The following ADGRL3 variants were observed in gnomAD, a reference collection of about 807,000 sequenced individuals.
ADGRL3 encodes the protein adhesion G protein-coupled receptor L3.
A neutral mutation model predicts 153.5 loss-of-function variants in ADGRL3; 62 were observed. That is an observed-to-expected ratio of 0.40 (90% CI 0.33 to 0.50). The LOEUF is 0.50. ADGRL3 is among the 20% of genes least tolerant of loss of function. The pLI is 0.47. For synonymous variants in ADGRL3, 710 were observed against 672.5 expected, an observed-to-expected ratio of 1.06 and a Z score of -0.86; for missense variants, 1,641 against 1,859.4, an observed-to-expected ratio of 0.88 and a Z score of 2.16.
Position 61,202,841 on chromosome 4 carries a change from G to A in ADGRL3, c.-240+1076G>A, listed in dbSNP as rs1330565656. On this transcript the variant is annotated intron_variant, in intron 1 of 26. Coordinates refer to ENST00000683033, the MANE Select transcript of ADGRL3 (RefSeq NM_001387552.1). This position sits in a 1 kb window ranked among gnomAD's most constrained non-coding sequence, Gnocchi z 5.0. ...GGCGGCGGAGTCAGCGTTTGAGTGT[G>A]TGCGCATTTTTGCGCCCCAGGGACG... Among the ~76,000 whole-genome samples the A allele has an allele frequency of 6.6e-6, 1 of 152,200 alleles. No homozygotes were observed. Among genetic ancestry groups the A allele is most frequent in the Non-Finnish European group, 1.5e-5 (1 of 68,040 alleles).
intron 17 of ADGRL3, among the ~76,000 whole-genome samples, chr4:61,950,971 C>G (rs1429996038): frequency 6.6e-6 from 1 of 152,168 alleles, no homozygotes; most frequent in East Asian, 1.9e-4. Flanking sequence ...ATTCATTTGA[C>G]CAGCTTTCAC....
intron 1 of ADGRL3, among the ~76,000 whole-genome samples, chr4:61,224,634 T>A (rs1350032369): frequency 6.6e-6 from 1 of 152,170 alleles, no homozygotes; most frequent in East Asian, 1.9e-4. Context: ...CACTTAGAGG[T>A]GCAGACATGA....
Position 61,909,644 on chromosome 4 carries a change from T to C in ADGRL3, c.1972T>C (p.Tyr658His), listed in dbSNP as rs771755453. Residue 658 changes from tyrosine to histidine, a missense_variant, in exon 12 of 27, where the codon TAC (tyrosine) becomes CAC (histidine). This residue lies in a region of ADGRL3 where 734 missense variants were observed against 797.0 expected (regional missense o/e 0.92). Coordinates refer to ENST00000683033, the MANE Select transcript of ADGRL3 (RefSeq NM_001387552.1). ...TCACTTGAATGCTGGGGACATCACC[T>C]ACTCTGTCCGGGCCATGGACCAGCT... is the stretch of plus-strand genomic sequence containing the variant. ...RNHLNAGDIT[Y>H]SVRAMDQLVG... 1.2e-6 allele frequency: 2 copies of C among 1,612,740 alleles called. No homozygotes were observed. Among genetic ancestry groups the C allele is most frequent in the East Asian group, 4.5e-5 (2 of 44,770 alleles).
intron 9 of ADGRL3, among the ~76,000 whole-genome samples, chr4:61,850,262 T>C (rs2098186229): frequency 6.6e-6 from 1 of 152,274 alleles, no homozygotes; most frequent in Non-Finnish European, 1.5e-5. Flanking sequence ...CTCCAATTTA[T>C]AGGTATAGAC....
chr4:61,757,530 C>G (rs1395029126), intron 8 of ADGRL3, among the ~76,000 whole-genome samples: 4 of 151,992 alleles, frequency 2.6e-5, no homozygotes, highest in Non-Finnish European at 4.4e-5. Context: ...ATTAGTCTTG[C>G]TAGCAGTCTA....
intron 1 of ADGRL3, among the ~76,000 whole-genome samples, chr4:61,368,363 T>G (rs985066291): frequency 1.3e-5 from 2 of 152,114 alleles, no homozygotes; most frequent in Non-Finnish European, 2.9e-5. Context: ...GGTTTTAGGT[T>G]TAACGTTTAA....
intron 5 of ADGRL3, among the ~76,000 whole-genome samples, chr4:61,606,477 A>T (rs1360812113): frequency 6.6e-6 from 1 of 152,124 alleles, no homozygotes; most frequent in East Asian, 1.9e-4. Flanking sequence ...TGGCTTGTAG[A>T]CAGACAGGTC....
chr4:61,974,651 T>C (rs1364111406), intron 17 of ADGRL3, among the ~76,000 whole-genome samples: 1 of 152,218 alleles, frequency 6.6e-6, no homozygotes, highest in Non-Finnish European at 1.5e-5. Flanking sequence ...AGAGATTAAG[T>C]ACTTTGTTAA....
intron 2 of ADGRL3, among the ~76,000 whole-genome samples, chr4:61,474,906 T>TAAG (rs2152702601): frequency 6.6e-6 from 1 of 152,272 alleles, no homozygotes; most frequent in East Asian, 1.9e-4. Context: ...GCCGGTTAAA[T>TAAG]TAATATAAAT....
At chr4:61,696,802 A>G (rs1036430963) in intron 6 of ADGRL3, among the ~76,000 whole-genome samples, 1 of 149,864 alleles carries the variant, frequency 6.7e-6, no homozygotes, top group East Asian at 2.0e-4. Flanking sequence ...CAGCCTCCCA[A>G]GTAGCTTGGA....
At chr4:61,640,373 A>G (rs2093610881) in intron 5 of ADGRL3, among the ~76,000 whole-genome samples, 2 of 152,124 alleles carry the variant, frequency 1.3e-5, no homozygotes, top group African/African-American at 4.8e-5. Flanking sequence ...TTAAATAAAA[A>G]GGTTCATGTT....
chr4:61,981,467 C>T (rs2099068094), intron 18 of ADGRL3, among the ~76,000 whole-genome samples: 1 of 151,532 alleles, frequency 6.6e-6, no homozygotes. Flanking sequence ...TCTTTAATTG[C>T]CAGCCTTGTA....
At chr4:61,872,919 G>A (rs959828122) in intron 9 of ADGRL3, among the ~76,000 whole-genome samples, 3 of 152,026 alleles carry the variant, frequency 2.0e-5, no homozygotes, top group African/African-American at 7.2e-5. Context: ...CCTATTTATC[G>A]ACCAATAAAG....
chr4:61,692,301 C>T (rs931522597), intron 6 of ADGRL3, among the ~76,000 whole-genome samples: 1 of 149,624 alleles, frequency 6.7e-6, no homozygotes, highest in Non-Finnish European at 1.5e-5. Context: ...CTTTTCTACC[C>T]TCTTCTCTGA....
intron 1 of ADGRL3, among the ~76,000 whole-genome samples, chr4:61,291,711 T>C (rs2150170411): frequency 6.7e-6 from 1 of 149,914 alleles, no homozygotes; most frequent in East Asian, 2.0e-4. Context: ...AGCTGAACAA[T>C]AGTTTCTCAT....
chr4:61,692,153 C>T (rs576527766), intron 6 of ADGRL3, among the ~76,000 whole-genome samples: 2 of 152,112 alleles, frequency 1.3e-5, no homozygotes, highest in Non-Finnish European at 2.9e-5. Flanking sequence ...TGAACAAGTA[C>T]CATATGCCAG....
chr4:61,935,003 G>A lies in ADGRL3; in HGVS notation c.2276G>A (p.Arg759Lys), dbSNP rs761328654. Residue 759 changes from arginine (R) to lysine (K), a missense_variant, in exon 14 of 27, where the codon AGG (arginine) becomes AAG (lysine). This residue lies in a region of ADGRL3 where 734 missense variants were observed against 797.0 expected (regional missense o/e 0.92). Coordinates refer to ENST00000683033, the MANE Select transcript of ADGRL3 (RefSeq NM_001387552.1). ...ADNLLKTDIVRENTDNIKLEV... is the reference protein window; with the variant it reads ...ADNLLKTDIVKENTDNIKLEV... ...AACCTTTTGAAGACTGACATTGTCA[G>A]GGAGAATACAGACAATATTAGTAAG... The A allele has an allele frequency of 4.3e-6, 7 of 1,613,594 alleles. No homozygotes were observed. The South Asian group carries it at 6.6e-5, about 15-fold the overall frequency.
intron 5 of ADGRL3, among the ~76,000 whole-genome samples, chr4:61,607,934 G>T (rs2099038976): frequency 6.6e-6 from 1 of 152,196 alleles, no homozygotes; most frequent in Admixed American, 6.5e-5. Context: ...AGCCAGAACA[G>T]CCAGTCTGTG....
chr4:61,430,508 C>G (rs1386479064), intron 2 of ADGRL3, among the ~76,000 whole-genome samples: 1 of 152,146 alleles, frequency 6.6e-6, no homozygotes, highest in African/African-American at 2.4e-5. Context: ...GTACATGCAA[C>G]TTGCATTAAC....
Sources: gnomAD v4.1 joint callset for allele counts (sites outside exome capture counted in the v4.1 genomes callset) on GRCh38, gnomAD v4.1.1 for gene constraint, gnomAD v4.1.1 regional missense constraint, Gnocchi (gnomAD v3.1) non-coding constraint, MANE v1.5 for transcripts, NCBI Gene and HGNC (gene_info 2026-07-23, HGNC 2026-07-21) for gene names.